The following DYNC2I1 variants were observed in gnomAD, a reference collection of about 807,000 sequenced individuals.
DYNC2I1 encodes the protein dynein 2 intermediate chain 1.
Under a neutral mutation model 133.4 loss-of-function variants are expected in DYNC2I1, and 89 were observed. That is an observed-to-expected ratio of 0.67 (90% CI 0.56 to 0.80). DYNC2I1 has a LOEUF of 0.80. DYNC2I1 is among the 30% of genes least tolerant of loss of function. The probability of loss-of-function intolerance (pLI) is 0.00; values close to 1 mark genes in which losing one functional copy is unlikely to be tolerated. For synonymous variants in DYNC2I1, 504 were observed against 484.3 expected (o/e 1.04, Z -0.54); for missense variants, 1,291 against 1,314.5 (o/e 0.98, Z 0.28).
intron 17 of DYNC2I1, among the ~76,000 whole-genome samples, chr7:158,925,193 C>A (rs575722156): frequency 6.6e-6 from 1 of 152,206 alleles, no homozygotes; most frequent in Non-Finnish European, 1.5e-5. Context: ...TTTCCTCAGT[C>A]GAGCCATCAG....
At chr7:158,923,525 T>G (rs1488402526) in intron 16 of DYNC2I1, 46 bp from the exon 17 acceptor site, 1 of 1,613,622 alleles carries the variant, frequency 6.2e-7, no homozygotes, top group Non-Finnish European at 8.5e-7. Flanking sequence ...GTTAGCATGC[T>G]TCTCATATTC....
intron 11 of DYNC2I1, among the ~76,000 whole-genome samples, chr7:158,909,851 C>T (rs571267498): frequency 1.3e-5 from 2 of 152,218 alleles, no homozygotes; most frequent in East Asian, 1.9e-4. Context: ...GAGAGCCTTC[C>T]GGTGGGAGAA....
intron 15 of DYNC2I1, among the ~76,000 whole-genome samples, chr7:158,920,160 T>A (rs6961385): frequency 0.015 from 2,196 of 149,430 alleles, 54 homozygotes; most frequent in African/African-American, 0.051. Flanking sequence ...ACATGTGAAG[T>A]GTGTGTGTGT....
chr7:158,905,140 C>CTTTTTTTTTTT (rs77389434), intron 10 of DYNC2I1: 9,997 of 335,274 alleles, frequency 0.03, 522 homozygotes, highest in Non-Finnish European at 0.036. Context: ...CTTTCTTTTT[C>CTTTTTTTTTTT]TTTTTTTTTT....
intron 13 of DYNC2I1, 84 bp from the exon 14 acceptor site, chr7:158,914,149 A>T: frequency 9.7e-7 from 1 of 1,036,126 alleles, no homozygotes; most frequent in Non-Finnish European, 1.4e-6. Flanking sequence ...TTGATTTGTT[A>T]GGCCTGTTTG....
At chr7:158,903,231 C>T (rs1440930612) in intron 10 of DYNC2I1, 1 of 152,104 alleles carries the variant, frequency 6.6e-6, no homozygotes, top group African/African-American at 2.4e-5. Flanking sequence ...CCTACAAGGA[C>T]CTTTTTAAAT....
At chr7:158,898,975 C>T (rs1845988194) in intron 8 of DYNC2I1, among the ~76,000 whole-genome samples, 1 of 151,908 alleles carries the variant, frequency 6.6e-6, no homozygotes, top group African/African-American at 2.4e-5. Context: ...TCCTTGCTGT[C>T]ATTCATTTTA....
intron 1 of DYNC2I1, among the ~76,000 whole-genome samples, chr7:158,860,182 A>G (rs1213879190): frequency 6.6e-6 from 1 of 152,052 alleles, no homozygotes; most frequent in Non-Finnish European, 1.5e-5. Flanking sequence ...CAGCCTCGCA[A>G]GTAGCTGAGA....
chr7:158,889,931 G>GGGA (rs1483427415), intron 7 of DYNC2I1, among the ~76,000 whole-genome samples: 1 of 150,890 alleles, frequency 6.6e-6, no homozygotes, highest in Non-Finnish European at 1.5e-5. Flanking sequence ...GCTTGAACCC[G>GGGA]GGAGGTGGAG....
At chr7:158,883,597 A>C (rs1366887158) in intron 5 of DYNC2I1, among the ~76,000 whole-genome samples, 2 of 141,072 alleles carry the variant, frequency 1.4e-5, no homozygotes, top group Non-Finnish European at 3.1e-5. Context: ...TCAATTTGAG[A>C]TAGAGTATGA....
intron 14 of DYNC2I1, among the ~76,000 whole-genome samples, chr7:158,915,764 C>T (rs563828786): frequency 7.8e-6 from 1 of 128,276 alleles, no homozygotes; most frequent in Non-Finnish European, 1.7e-5. Flanking sequence ...GAAACGTCTA[C>T]ACGCTGGTTG....
chr7:158,956,165 C>T (rs1443417374), intron 4 of DYNC2I1, among the ~76,000 whole-genome samples: 1 of 152,220 alleles, frequency 6.6e-6, no homozygotes, highest in East Asian at 1.9e-4. Flanking sequence ...GAGAGTTTTC[C>T]TGGGACACAG....
intron 1 of DYNC2I1, among the ~76,000 whole-genome samples, chr7:158,866,792 C>T (rs777166612): frequency 6.6e-6 from 1 of 151,356 alleles, no homozygotes; most frequent in Non-Finnish European, 1.5e-5. Flanking sequence ...GGCTGAGCCA[C>T]GAGAATTGCT....
At chr7:158,900,736 T>TC (rs1331477530) in intron 8 of DYNC2I1, among the ~76,000 whole-genome samples, 1 of 151,396 alleles carries the variant, frequency 6.6e-6, no homozygotes, top group Non-Finnish European at 1.5e-5. Context: ...GTTCTGTTTT[T>TC]TTTTTTTTTT....
intron 1 of DYNC2I1, among the ~76,000 whole-genome samples, chr7:158,857,383 A>G (rs1018382355): frequency 1.3e-5 from 2 of 152,124 alleles, no homozygotes; most frequent in African/African-American, 4.8e-5. Context: ...TTACTGTATT[A>G]TTCTTATCTA....
intron 3 of DYNC2I1, among the ~76,000 whole-genome samples, chr7:158,874,783 C>T (rs985480159): frequency 1.3e-5 from 2 of 152,208 alleles, no homozygotes; most frequent in Non-Finnish European, 2.9e-5. Context: ...TGGGCATCAT[C>T]CCTGAATTCC....
At chr7:158,958,607 C>G (rs1042923508), downstream of DYNC2I1, among the ~76,000 whole-genome samples, 1 of 152,250 alleles carries the variant, frequency 6.6e-6, no homozygotes, top group African/African-American at 2.4e-5. Context: ...GCAAACTACA[C>G]ATTAGTTAAA....
At chr7:158,938,167 TTAA>T (rs1375952716) in intron 23 of DYNC2I1, among the ~76,000 whole-genome samples, 1 of 152,056 alleles carries the variant, frequency 6.6e-6, no homozygotes, top group African/African-American at 2.4e-5. Context: ...CCCAAGGCAT[TTAA>T]TAATCAGACT....
chr7:158,932,558 G>A (rs1850329753), intron 21 of DYNC2I1, among the ~76,000 whole-genome samples: 1 of 151,902 alleles, frequency 6.6e-6, no homozygotes, highest in Non-Finnish European at 1.5e-5. Context: ...TAACGAGTCT[G>A]TCTGCCGTGC....
Sources: gnomAD v4.1 joint callset for allele counts (sites outside exome capture counted in the v4.1 genomes callset) on GRCh38, gnomAD v4.1.1 for gene constraint, MANE v1.5 for transcripts, NCBI Gene and HGNC (gene_info 2026-07-23, HGNC 2026-07-21) for gene names.